Variants in UTRN observed in about 807,000 individuals in gnomAD.
The protein encoded by UTRN is dystrophin-related protein 1.
UTRN carries 283 observed loss-of-function variants against 463.9 expected under a neutral mutation model. The observed-to-expected ratio is 0.61, with a 90% CI of 0.55 to 0.67. The LOEUF is 0.67. Among genes scored for constraint, UTRN ranks in the 30% least tolerant of loss-of-function variants. The pLI, the probability that UTRN is intolerant of heterozygous loss-of-function variation, is 0.00. For synonymous variants in UTRN, 1,442 were observed against 1,431.5 expected (o/e 1.01, Z -0.17); for missense variants, 3,922 against 4,084.3 (o/e 0.96, Z 1.08).
At chr6:144,604,235 T>C (rs1012307988) in intron 51 of UTRN, among the ~76,000 whole-genome samples, 3 of 152,162 alleles carry the variant, frequency 2.0e-5, no homozygotes, top group Non-Finnish European at 4.4e-5. Flanking sequence ...ATATATGCTG[T>C]AGTTATACTC....
chr6:144,337,190 C>T (rs7772484), intron 2 of UTRN, among the ~76,000 whole-genome samples: 16 of 120,360 alleles, frequency 1.3e-4, no homozygotes, highest in African/African-American at 5.0e-4. Context: ...CACACACACA[C>T]ACACCACACA....
chr6:144,824,606 A>ATATATATC (rs1779967611), intron 66 of UTRN, among the ~76,000 whole-genome samples: 1 of 36,914 alleles, frequency 2.7e-5, no homozygotes, highest in Non-Finnish European at 4.0e-5. Context: ...ATATATATAT[A>ATATATATC]TATATATCTT....
intron 65 of UTRN, among the ~76,000 whole-genome samples, chr6:144,819,045 A>G (rs2128752509): frequency 6.6e-6 from 1 of 152,250 alleles, no homozygotes; most frequent in South Asian, 2.1e-4. Context: ...GCATTTGGGA[A>G]GCCCTATATC....
At chr6:144,813,146 T>G (rs1240420124) in intron 65 of UTRN, among the ~76,000 whole-genome samples, 2 of 151,796 alleles carry the variant, frequency 1.3e-5, no homozygotes, top group South Asian at 2.1e-4. Flanking sequence ...TCAGAGTTTT[T>G]TTGTTGTTGT....
intron 51 of UTRN, among the ~76,000 whole-genome samples, chr6:144,627,065 C>T (rs929447987): frequency 6.7e-6 from 1 of 149,898 alleles, no homozygotes; most frequent in African/African-American, 2.5e-5. Context: ...ATTCAGTAAC[C>T]TTTTGCCCTA....
At position 144,511,087 on chromosome 6, in the gene UTRN, T is replaced by G; in HGVS notation, c.4908T>G (p.Val1636=). ...TCCTTAACGCTGGGTGGAGCCGAGT[T>G]CGTACCTGGACTGAAGATTGGTGCA... is the stretch of plus-strand genomic sequence containing the variant. ...LCVLNAGWSR[V]RTWTEDWCNT... The change falls in exon 35 of 75, where the codon GTT becomes GTG. Residue 1636 remains valine (V), a synonymous_variant. Transcript: ENST00000367545. 5 of 1,609,626 alleles carry G rather than the reference T, an allele frequency of 3.1e-6. No individual in the cohort carries two copies. The highest frequency in any genetic ancestry group is 4.2e-6 in the Non-Finnish European group (5 of 1,177,196).
Position 144,329,544 on chromosome 6 carries a change from C to T in UTRN, c.79+37637C>T, listed in dbSNP as rs968994399. ...CCTCTCTACTCTTCTGAAATAACAA[C>T]GAGCCAAATGGTATTTTCAAGATAC... On this transcript the variant is annotated intron_variant, in intron 2 of 74. Transcript: ENST00000367545. Among the ~76,000 whole-genome samples the T allele has an allele frequency of 3.3e-5, 5 of 152,120 alleles. No homozygotes were observed. The East Asian group carries it at 5.8e-4, about 18-fold the overall frequency.
intron 51 of UTRN, among the ~76,000 whole-genome samples, chr6:144,605,338 C>T (rs998614788): frequency 2.6e-5 from 4 of 151,992 alleles, no homozygotes; most frequent in African/African-American, 9.7e-5. Flanking sequence ...GCCCTGATAT[C>T]CAGCATTGGC....
At chr6:144,599,464 G>GT (rs1171544539) in intron 51 of UTRN, among the ~76,000 whole-genome samples, 2 of 151,878 alleles carry the variant, frequency 1.3e-5, no homozygotes, top group Admixed American at 6.6e-5. Context: ...GCTGAAACTT[G>GT]TTTTTTTTAA....
intron 34 of UTRN, among the ~76,000 whole-genome samples, chr6:144,505,570 C>T (rs191575767): frequency 3.7e-4 from 57 of 152,160 alleles, no homozygotes; most frequent in Middle Eastern, 6.8e-3. Context: ...GTTTTGAGTG[C>T]GTTTCTTAAT....
rs907199968 is a variant in UTRN, at chr6:144,434,979, C to A, written c.856-956C>A. ...AGTTTGTTGGTTAATTATATGGTCA[C>A]CCTGAAGATGATGCTAGAAAGGTCC... On this transcript the variant is annotated intron_variant, in intron 9 of 74. Transcript: ENST00000367545. 3.3e-5 allele frequency among the ~76,000 whole-genome samples: 5 copies of A among 152,234 alleles called. No homozygotes were observed. In the South Asian group the frequency reaches 1.0e-3, roughly 32 times the overall value.
Position 144,462,691 on chromosome 6 carries a change from T to C in UTRN, c.2891T>C (p.Leu964Ser), listed in dbSNP as rs1789545146. The change falls in exon 23 of 75, where the codon TTA becomes TCA. Residue 964 changes from leucine (L) to serine (S), a missense_variant. This residue lies in a region of UTRN where 2,349 missense variants were observed against 2,303.8 expected (regional missense o/e 1.02). Transcript: ENST00000367545. Reference sequence around the variant, plus strand: ...ATCCTTGAGAATCAGAAACCTGCATTACATAAACTTGCAGAAGAAACAAAG... The same window carrying C: ...ATCCTTGAGAATCAGAAACCTGCATCACATAAACTTGCAGAAGAAACAAAG... ...DEILENQKPA[L>S]HKLAEETKAL... 3.1e-6 allele frequency: 5 copies of C among 1,603,806 alleles called. No homozygotes were observed. The highest frequency in any genetic ancestry group is 4.2e-6 in the Non-Finnish European group (5 of 1,177,794).
At chr6:144,649,818 G>A (rs1778627490) in intron 51 of UTRN, among the ~76,000 whole-genome samples, 2 of 152,186 alleles carry the variant, frequency 1.3e-5, no homozygotes, top group African/African-American at 4.8e-5. Context: ...AATAGAAGGT[G>A]AGCTAAAGGA....
intron 59 of UTRN, among the ~76,000 whole-genome samples, chr6:144,772,373 T>C (rs1181062893): frequency 1.3e-5 from 2 of 152,098 alleles, no homozygotes; most frequent in Non-Finnish European, 1.5e-5. Context: ...CTTTCTTACA[T>C]GGCATATTAA....
intron 3 of UTRN, among the ~76,000 whole-genome samples, chr6:144,419,500 G>A (rs58805222): frequency 0.068 from 10,330 of 152,144 alleles, 860 homozygotes; most frequent in African/African-American, 0.2. Context: ...CCTAATACCT[G>A]TTTAAAAACA....
chr6:144,500,543 A>G (rs1387590704), intron 34 of UTRN, among the ~76,000 whole-genome samples: 1 of 152,182 alleles, frequency 6.6e-6, no homozygotes, highest in East Asian at 1.9e-4. Context: ...CTTTATAGGT[A>G]TTATTTTTAT....
At chr6:144,675,505 T>C (rs1227006813) in intron 51 of UTRN, among the ~76,000 whole-genome samples, 1 of 152,150 alleles carries the variant, frequency 6.6e-6, no homozygotes, top group East Asian at 1.9e-4. Context: ...TGGTAAGCAG[T>C]GGAATTAGCT....
At chr6:144,690,074 G>GTTTTTTTTTTTTTTTTTTTTTT (rs1554339291) in intron 52 of UTRN, among the ~76,000 whole-genome samples, 1 of 31,278 alleles carries the variant, frequency 3.2e-5, no homozygotes, top group Non-Finnish European at 5.0e-5. Context: ...AAAAGTTTCT[G>GTTTTTTTTTTTTTTTTTTTTTT]TTTTTTTTTT....
At chr6:144,392,662 A>G in intron 2 of UTRN, among the ~76,000 whole-genome samples, 1 of 152,154 alleles carries the variant, frequency 6.6e-6, no homozygotes, top group Non-Finnish European at 1.5e-5. Context: ...CTTCTCTGGA[A>G]TGTTATACTG....
Sources: allele counts gnomAD v4.1 joint callset (sites outside exome capture counted in the v4.1 genomes callset), GRCh38; gene constraint gnomAD v4.1.1; regional missense constraint gnomAD v4.1.1; transcripts MANE v1.5; gene names NCBI Gene and HGNC (gene_info 2026-07-23, HGNC 2026-07-21).